SCUBE3: variants seen among roughly 807,000 people sequenced by gnomAD.
SCUBE3 encodes the protein signal peptide, CUB domain and EGF like domain containing 3.
In SCUBE3, 33 loss-of-function variants were observed where a neutral mutation model predicts 116.8. The ratio of observed to expected loss-of-function variants is 0.28; its 90% CI spans 0.21 to 0.38. SCUBE3 has a LOEUF of 0.38. Ranked by LOEUF, SCUBE3 falls within the 10% of genes least tolerant of loss-of-function variation. The pLI, the probability that SCUBE3 is intolerant of heterozygous loss-of-function variation, is 1.00. For missense variants in SCUBE3, 1,007 were observed against 1,324.8 expected (o/e 0.76, Z 3.72); for synonymous variants, 418 against 496.9 (o/e 0.84, Z 2.11).
At position 35,243,314 on chromosome 6, in the gene SCUBE3, C is replaced by A; in HGVS notation, c.1909+78C>A. 1 of 1,241,350 alleles carries A rather than the reference C, an allele frequency of 8.1e-7. No homozygotes were observed. Among genetic ancestry groups the A allele is most frequent in the Non-Finnish European group, 1.2e-6 (1 of 862,200 alleles). 76.9% of individuals were successfully genotyped at this position (1,241,350 alleles called of 1,614,324 possible). ...GACTCAGAGCAGGACCCTTTGTGGCCTCAGATGCATTTCTCAAATTATGAG... is the reference window on the plus strand; with the variant it reads ...GACTCAGAGCAGGACCCTTTGTGGCATCAGATGCATTTCTCAAATTATGAG... On this transcript the variant is annotated intron_variant, in intron 15 of 21. Coordinates refer to ENST00000274938, the MANE Select transcript of SCUBE3 (RefSeq NM_152753.4). The surrounding 1 kb of genome is among the most constrained non-coding windows in gnomAD (Gnocchi z 6.6).
chr6:35,235,576 G>A lies in SCUBE3; in HGVS notation c.712+2275G>A. The A allele has an allele frequency of 1.4e-6, 1 of 717,438 alleles. No homozygotes were observed. The highest frequency in any genetic ancestry group is 2.4e-5 in the Admixed American group (1 of 42,220). The allele number at this position is 717,438 out of a possible 1,614,324, so 44.4% of individuals were successfully genotyped here. A position where few individuals can be genotyped will look rare whatever the true frequency, so the allele number is the denominator to read the frequency against. ...CCGCTGGGGCTCCCACTAACTGCAT[G>A]CCCACTGGGCCCAGCCTGACTGGGC... On this transcript the variant is annotated intron_variant, in intron 6 of 21. Coordinates refer to ENST00000274938, the MANE Select transcript of SCUBE3 (RefSeq NM_152753.4). The surrounding 1 kb of genome is among the most constrained non-coding windows in gnomAD (Gnocchi z 4.5).
Position 35,240,525 on chromosome 6 carries a change from GC to G in SCUBE3, c.1069+40del. 1 of 1,144,896 alleles carries G rather than the reference GC, an allele frequency of 8.7e-7. No individual in the cohort carries two copies. The highest frequency in any genetic ancestry group is 1.3e-6 in the Non-Finnish European group (1 of 775,228). 70.9% of individuals were successfully genotyped at this position (1,144,896 alleles called of 1,614,324 possible). ...TAAGCTTGCACCCCCAGCCACCCTG[GC>G]CCCCTCACCTCTTCACCCTCCAATT... is the stretch of plus-strand genomic sequence containing the variant. On this transcript the variant is annotated intron_variant, in intron 9 of 21. Coordinates refer to ENST00000274938, the MANE Select transcript of SCUBE3 (RefSeq NM_152753.4). The surrounding 1 kb of genome is among the most constrained non-coding windows in gnomAD (Gnocchi z 4.6).
At position 35,214,355 on chromosome 6, in the gene SCUBE3, C is replaced by T. The variant is rs1782798664; in HGVS notation, c.-64C>T. On this transcript the variant is annotated 5_prime_UTR_variant, in exon 1 of 22. Coordinates refer to ENST00000274938, the MANE Select transcript of SCUBE3 (RefSeq NM_152753.4). This position sits in a 1 kb window ranked among gnomAD's most constrained non-coding sequence, Gnocchi z 6.3. The stretch of plus-strand genomic sequence containing the variant: ...CCCCTCCTGCGAGCTGGGATCCGGC[C>T]GGCTTCCGCCCTCCCCTGGCCGCGA... 2 of 1,092,308 alleles carry T rather than the reference C, an allele frequency of 1.8e-6. No individual in the cohort carries two copies. Among genetic ancestry groups the T allele is most frequent in the Non-Finnish European group, 2.4e-6 (2 of 830,256 alleles). The allele number at this position is 1,092,308 out of a possible 1,614,324, so 67.7% of individuals were successfully genotyped here.
chr6:35,239,965 A>C lies in SCUBE3; in HGVS notation c.952+91A>C. Reference sequence around the variant, plus strand: ...CAGAGGGCTAAAGTCTTAGAAACTCAATAGATATCACACAGAGTCTCTAGA... The same window carrying C: ...CAGAGGGCTAAAGTCTTAGAAACTCCATAGATATCACACAGAGTCTCTAGA... On this transcript the variant is annotated intron_variant, in intron 8 of 21. Coordinates refer to ENST00000274938, the MANE Select transcript of SCUBE3 (RefSeq NM_152753.4). This position sits in a 1 kb window ranked among gnomAD's most constrained non-coding sequence, Gnocchi z 4.1. 9 of 1,128,382 alleles carry C rather than the reference A, an allele frequency of 8.0e-6. No homozygotes were observed. The highest frequency in any genetic ancestry group is 9.9e-6 in the Non-Finnish European group (8 of 811,648). 69.9% of individuals were successfully genotyped at this position (1,128,382 alleles called of 1,614,324 possible). A position where few individuals can be genotyped will look rare whatever the true frequency, so the allele number is the denominator to read the frequency against.
chr6:35,243,323 A>G lies in SCUBE3; in HGVS notation c.1909+87A>G. On this transcript the variant is annotated intron_variant, in intron 15 of 21. Transcript: ENST00000274938. This position sits in a 1 kb window ranked among gnomAD's most constrained non-coding sequence, Gnocchi z 6.6. Reference sequence around the variant, plus strand: ...CAGGACCCTTTGTGGCCTCAGATGCATTTCTCAAATTATGAGGCAGCCAGG... The same window carrying G: ...CAGGACCCTTTGTGGCCTCAGATGCGTTTCTCAAATTATGAGGCAGCCAGG... The G allele has an allele frequency of 8.6e-7, 1 of 1,164,398 alleles. No homozygotes were observed. The highest frequency in any genetic ancestry group is 1.3e-6 in the Non-Finnish European group (1 of 799,360). 72.1% of individuals were successfully genotyped at this position (1,164,398 alleles called of 1,614,324 possible).
chr6:35,226,402 A>AATC (rs1783323229), intron 1 of SCUBE3, among the ~76,000 whole-genome samples: 1 of 151,916 alleles, frequency 6.6e-6, no homozygotes, highest in Non-Finnish European at 1.5e-5. Context: ...TTTTCAACTG[A>AATC]ATAACATGTT....
chr6:35,246,715 C>T (rs977331362), intron 21 of SCUBE3, among the ~76,000 whole-genome samples: 2 of 152,234 alleles, frequency 1.3e-5, no homozygotes, highest in African/African-American at 4.8e-5. Context: ...GTGGTTCACG[C>T]CTGTCATCCC....
chr6:35,217,259 G>GGGGGGGGGGGGGC, intron 1 of SCUBE3, among the ~76,000 whole-genome samples: 1 of 17,830 alleles, frequency 5.6e-5, no homozygotes, highest in East Asian at 2.1e-3. Flanking sequence ...GCGGCGGGGG[G>GGGGGGGGGGGGGC]GGGGGTGTGT....
At chr6:35,242,570 A>T in intron 13 of SCUBE3, 52 bp from the exon 14 acceptor site, 1 of 1,541,244 alleles carries the variant, frequency 6.5e-7, no homozygotes, top group Non-Finnish European at 8.9e-7. Context: ...CTGGGCTGGG[A>T]GTGAGAACTT....
chr6:35,241,957 T>C lies in SCUBE3; in HGVS notation c.1417+47T>C. On this transcript the variant is annotated intron_variant, in intron 12 of 21. Transcript: ENST00000274938. The surrounding 1 kb of genome is among the most constrained non-coding windows in gnomAD (Gnocchi z 4.1). Reference sequence around the variant, plus strand: ...CTGTTCCCACCCTACTCTCTTACATTAATCCCTTATTTTTGTTCTTCATCA... The same window carrying C: ...CTGTTCCCACCCTACTCTCTTACATCAATCCCTTATTTTTGTTCTTCATCA... 7.0e-6 allele frequency: 9 copies of C among 1,291,988 alleles called. No homozygotes were observed. Among genetic ancestry groups the C allele is most frequent in the Non-Finnish European group, 1.0e-5 (9 of 895,250 alleles). The allele number at this position is 1,291,988 out of a possible 1,614,324, so 80.0% of individuals were successfully genotyped here. A position where few individuals can be genotyped will look rare whatever the true frequency, so the allele number is the denominator to read the frequency against.
At position 35,224,680 on chromosome 6, in the gene SCUBE3, T is replaced by C. The variant is rs559550712; in HGVS notation, c.86-2900T>C. 4 of 149,724 alleles carry C rather than the reference T, an allele frequency of 2.7e-5. No individual in the cohort carries two copies. The South Asian group carries it at 8.6e-4, about 32-fold the overall frequency. 9.3% of individuals were successfully genotyped at this position (149,724 alleles called of 1,614,324 possible). On this transcript the variant is annotated intron_variant, in intron 1 of 21. Transcript: ENST00000274938. Reference sequence around the variant, plus strand: ...AAGAATCTGCTGGGAGGCCTGGGTTTGTGGTGATCAGCATCAAGATCCACT... The same window carrying C: ...AAGAATCTGCTGGGAGGCCTGGGTTCGTGGTGATCAGCATCAAGATCCACT...
chr6:35,237,450 T>C (rs1419534394), intron 6 of SCUBE3, among the ~76,000 whole-genome samples: 2 of 152,116 alleles, frequency 1.3e-5, no homozygotes, highest in African/African-American at 4.8e-5. Flanking sequence ...CCACTTACAA[T>C]AAGATTGTCC....
In SCUBE3 at chr6:35,214,368, C is replaced by G; in HGVS notation, c.-51C>G. On this transcript the variant is annotated 5_prime_UTR_variant, in exon 1 of 22. Transcript: ENST00000274938. This position sits in a 1 kb window ranked among gnomAD's most constrained non-coding sequence, Gnocchi z 6.3. ...CTGGGATCCGGCCGGCTTCCGCCCT[C>G]CCCTGGCCGCGAGACCGGCCCCGGC... The G allele has an allele frequency of 7.8e-7, 1 of 1,275,716 alleles. No individual in the cohort carries two copies. Among genetic ancestry groups the G allele is most frequent in the Non-Finnish European group, 1.0e-6 (1 of 969,730 alleles). 79.0% of individuals were successfully genotyped at this position (1,275,716 alleles called of 1,614,324 possible).
rs1783408543 is a variant in SCUBE3 at position 35,228,353 on chromosome 6, A to G, written c.209-261A>G. ...TTGATGCATTATCTATGATGGTAAAATAAATTAAAGAAATCTAAATCTCTA... is the reference window on the plus strand; with the variant it reads ...TTGATGCATTATCTATGATGGTAAAGTAAATTAAAGAAATCTAAATCTCTA... On this transcript the variant is annotated intron_variant, in intron 2 of 21. Transcript: ENST00000274938. This position sits in a 1 kb window ranked among gnomAD's most constrained non-coding sequence, Gnocchi z 4.9. Among the ~76,000 whole-genome samples the G allele has an allele frequency of 6.6e-6, 1 of 152,220 alleles. No homozygotes were observed. Among genetic ancestry groups the G allele is most frequent in the Non-Finnish European group, 1.5e-5 (1 of 68,044 alleles).
Position 35,241,115 on chromosome 6 carries a change from TTC to T in SCUBE3, c.1070-24_1070-23del. ...TCCTCCTCCAACTCCATCGTTGTTT[TTC>T]TGTCTCCCTACTCCTTCCCCCAGAT... is the stretch of plus-strand genomic sequence containing the variant. On this transcript the variant is annotated intron_variant, in intron 9 of 21. Transcript: ENST00000274938. This position sits in a 1 kb window ranked among gnomAD's most constrained non-coding sequence, Gnocchi z 4.1. The T allele has an allele frequency of 6.4e-7, 1 of 1,566,688 alleles. No homozygotes were observed. Among genetic ancestry groups the T allele is most frequent in the Non-Finnish European group, 8.7e-7 (1 of 1,147,938 alleles).
intron 1 of SCUBE3, among the ~76,000 whole-genome samples, chr6:35,225,837 A>G (rs2150290727): frequency 6.6e-6 from 1 of 152,358 alleles, no homozygotes; most frequent in South Asian, 2.1e-4. Context: ...GGATTCAAAA[A>G]GGCTATAATG....
intron 1 of SCUBE3, among the ~76,000 whole-genome samples, chr6:35,215,514 T>C (rs144750445): frequency 6.6e-6 from 1 of 152,322 alleles, no homozygotes; most frequent in Non-Finnish European, 1.5e-5. Context: ...GAGAGTATGA[T>C]TCTGCCTATT....
chr6:35,241,503 G>A lies in SCUBE3; in HGVS notation c.1196-40G>A, dbSNP rs749974552. The stretch of plus-strand genomic sequence containing the variant: ...CTCCAAATTACCCAACTGAGGGAAA[G>A]GAATGCATTCATTTGCTCAGGCCTC... On this transcript the variant is annotated intron_variant, in intron 10 of 21. Transcript: ENST00000274938. The surrounding 1 kb of genome is among the most constrained non-coding windows in gnomAD (Gnocchi z 4.1). The A allele has an allele frequency of 7.2e-7, 1 of 1,391,730 alleles. No homozygotes were observed. Among genetic ancestry groups the A allele is most frequent in the East Asian group, 2.3e-5 (1 of 43,792 alleles). The allele number at this position is 1,391,730 out of a possible 1,614,324, so 86.2% of individuals were successfully genotyped here. A position where few individuals can be genotyped will look rare whatever the true frequency, so the allele number is the denominator to read the frequency against.
intron 1 of SCUBE3, among the ~76,000 whole-genome samples, chr6:35,216,697 A>C (rs1368612151): frequency 6.6e-6 from 1 of 152,228 alleles, no homozygotes; most frequent in Non-Finnish European, 1.5e-5. Flanking sequence ...CAGCAGTGCC[A>C]GAAAGTGTGC....
Sources: gnomAD v4.1 joint callset for allele counts (sites outside exome capture counted in the v4.1 genomes callset) on GRCh38, gnomAD v4.1.1 for gene constraint, Gnocchi (gnomAD v3.1) non-coding constraint, MANE v1.5 for transcripts, NCBI Gene and HGNC (gene_info 2026-07-23, HGNC 2026-07-21) for gene names.